SPATA18: variants seen among roughly 807,000 people sequenced by gnomAD.
SPATA18 encodes spermatogenesis associated 18.
SPATA18 carries 54 observed loss-of-function variants against 68.1 expected under a neutral mutation model. That is an observed-to-expected ratio of 0.79 (90% CI 0.64 to 0.99). SPATA18 has a LOEUF of 0.99. Among genes scored for constraint, SPATA18 ranks in the 50% least tolerant of loss-of-function variants. SPATA18 has a pLI of 0.00. For missense variants in SPATA18, 724 were observed against 681.1 expected, an observed-to-expected ratio of 1.06 and a Z score of -0.70; for synonymous variants, 242 against 244.8, an observed-to-expected ratio of 0.99 and a Z score of 0.11.
At chr4:52,078,934 T>A (rs750931914) in intron 8 of SPATA18, 41 bp downstream of exon 8, 2 of 1,517,294 alleles carry the variant, frequency 1.3e-6, no homozygotes, top group South Asian at 1.3e-5. Context: ...TTGCTGCTGC[T>A]GCTGCAGTTT....
rs1044989340 is a variant in SPATA18, at chr4:52,096,655, C to T, written c.*1768C>T. The T allele has an allele frequency of 1.3e-5, 2 of 151,828 alleles. No individual in the cohort carries two copies. The highest frequency in any genetic ancestry group is 1.5e-5 in the Non-Finnish European group (1 of 67,996). 9.4% of individuals were successfully genotyped at this position (151,828 alleles called of 1,614,324 possible). The stretch of plus-strand genomic sequence containing the variant: ...ATGGCTGAACCTGCATGTAGAGCCA[C>T]CAGCTACAAATGAAAATCAATGTGT... On this transcript the variant is annotated 3_prime_UTR_variant, in exon 13 of 13. Transcript: ENST00000295213.
chr4:52,070,893 G>A (rs1336937198), intron 5 of SPATA18, among the ~76,000 whole-genome samples: 1 of 136,670 alleles, frequency 7.3e-6, no homozygotes, highest in Non-Finnish European at 1.6e-5. Context: ...GGGGGGGGGT[G>A]TTTTACACAC....
At chr4:52,054,306 C>T (rs986830459) in intron 1 of SPATA18, among the ~76,000 whole-genome samples, 1 of 152,192 alleles carries the variant, frequency 6.6e-6, no homozygotes, top group Non-Finnish European at 1.5e-5. Flanking sequence ...GCCTGAAAAA[C>T]TTTTCACCTG....
intron 4 of SPATA18, among the ~76,000 whole-genome samples, chr4:52,068,610 G>A (rs772686458): frequency 6.6e-6 from 1 of 152,322 alleles, no homozygotes; most frequent in African/African-American, 2.4e-5. Flanking sequence ...GATGCTGTTA[G>A]CACATTATTT....
rs763593150 is a variant in SPATA18, at chr4:52,078,754, A to ACTG, written c.1040_1041insCTG (p.Lys347delinsAsnTer). 5 of 1,583,330 alleles carry ACTG rather than the reference A, an allele frequency of 3.2e-6. No individual in the cohort carries two copies. The African/African-American group carries it at 6.7e-5, about 21-fold the overall frequency. On this transcript the variant is annotated stop_gained and protein_altering_variant, in exon 8 of 13. Transcript: ENST00000295213. LOFTEE classifies it high-confidence loss of function. ...GTGCAGGAGGCATTCCATGTAGCAA[A>ACTG]AATGGCATTCAGACACTTCAAGATC...
At chr4:52,061,084 G>A (rs1204320134) in intron 3 of SPATA18, among the ~76,000 whole-genome samples, 187 bp downstream of exon 3, 7 of 152,168 alleles carry the variant, frequency 4.6e-5, no homozygotes, top group South Asian at 2.1e-4. Flanking sequence ...TAGAAAGAGC[G>A]CACATACCTT....
intron 11 of SPATA18, among the ~76,000 whole-genome samples, chr4:52,087,049 G>C (rs986078263): frequency 6.6e-6 from 1 of 152,148 alleles, no homozygotes; most frequent in African/African-American, 2.4e-5. Flanking sequence ...ATGTCTGTTG[G>C]CTGCATAAAT....
intron 4 of SPATA18, among the ~76,000 whole-genome samples, chr4:52,069,122 G>T (rs1322972133): frequency 6.6e-6 from 1 of 152,048 alleles, no homozygotes; most frequent in African/African-American, 2.4e-5. Flanking sequence ...TCCTGCCTTG[G>T]CTTCCCAAAG....
chr4:52,057,418 G>T (rs1410406759), intron 1 of SPATA18, among the ~76,000 whole-genome samples: 1 of 152,144 alleles, frequency 6.6e-6, no homozygotes, highest in African/African-American at 2.4e-5. Flanking sequence ...TTTAGAAGTT[G>T]CAGCATGTTG....
At chr4:52,068,469 G>A (rs1739511686) in intron 4 of SPATA18, among the ~76,000 whole-genome samples, 1 of 152,224 alleles carries the variant, frequency 6.6e-6, no homozygotes, top group South Asian at 2.1e-4. Context: ...CCGAGAAGGG[G>A]AAACAAAGTT....
intron 11 of SPATA18, among the ~76,000 whole-genome samples, chr4:52,090,599 GAATA>G (rs1314236025): frequency 6.6e-6 from 1 of 152,200 alleles, no homozygotes; most frequent in African/African-American, 2.4e-5. Context: ...AATGAACGTT[GAATA>G]TTGGCCCTCA....
intron 3 of SPATA18, among the ~76,000 whole-genome samples, chr4:52,061,668 T>G (rs964089737): frequency 1.3e-5 from 2 of 152,098 alleles, no homozygotes; most frequent in African/African-American, 4.8e-5. Flanking sequence ...TCAATTTTCT[T>G]ATTTGCTGAA....
chr4:52,078,997 T>G (rs1269932050), intron 8 of SPATA18, 104 bp downstream of exon 8: 1 of 1,215,512 alleles, frequency 8.2e-7, no homozygotes, highest in East Asian at 2.6e-5. Flanking sequence ...ATTAATTCTA[T>G]GTAATGAAAA....
chr4:52,080,904 G>T (rs1340723426), intron 9 of SPATA18, among the ~76,000 whole-genome samples: 2 of 152,200 alleles, frequency 1.3e-5, no homozygotes, highest in African/African-American at 4.8e-5. Context: ...AGGGAGGATG[G>T]ATAGTACCAC....
intron 8 of SPATA18, among the ~76,000 whole-genome samples, chr4:52,079,472 GATAA>G (rs1259125545): frequency 1.3e-5 from 2 of 152,208 alleles, no homozygotes; most frequent in East Asian, 1.9e-4. Context: ...ATAAGGATAT[GATAA>G]ATAAAAGCCA....
rs77663368 is a variant in SPATA18, at chr4:52,062,724, C to G, written c.422+392C>G. 2.3e-4 allele frequency among the ~76,000 whole-genome samples: 35 copies of G among 152,164 alleles called. No individual in the cohort carries two copies. In the East Asian group the frequency reaches 5.8e-3, roughly 25 times the overall value. On this transcript the variant is annotated intron_variant, in intron 4 of 12. Transcript: ENST00000295213. ...GAAAGAATAAAAGAGAGTGAACAAT[C>G]AGGCAAAGAGGAGAATTAAGAGAAA...
chr4:52,062,690 T>G (rs1273942611), intron 4 of SPATA18, among the ~76,000 whole-genome samples: 1 of 151,726 alleles, frequency 6.6e-6, no homozygotes, highest in Non-Finnish European at 1.5e-5. Flanking sequence ...TTTAAAAAGA[T>G]GTGAAAGGGA....
intron 5 of SPATA18, among the ~76,000 whole-genome samples, chr4:52,070,588 G>A (rs978873703): frequency 6.6e-6 from 1 of 151,886 alleles, no homozygotes; most frequent in Non-Finnish European, 1.5e-5. Context: ...AATGCTAAAT[G>A]ACGAGTTAAT....
chr4:52,087,169 C>T (rs930789771), intron 11 of SPATA18, among the ~76,000 whole-genome samples: 3 of 152,064 alleles, frequency 2.0e-5, no homozygotes, highest in Middle Eastern at 3.4e-3. Flanking sequence ...GGATATTAGC[C>T]CTTTGTCAGA....
Sources: allele counts gnomAD v4.1 joint callset (sites outside exome capture counted in the v4.1 genomes callset), GRCh38; gene constraint gnomAD v4.1.1; transcripts MANE v1.5; gene names NCBI Gene and HGNC (gene_info 2026-07-23, HGNC 2026-07-21).